The following WAPL variants were observed in gnomAD, a reference collection of about 807,000 sequenced individuals.
WAPL encodes WAPL cohesin release factor, also known as wings apart-like protein homolog.
A neutral mutation model predicts 121.0 loss-of-function variants in WAPL; 5 were observed. The observed-to-expected ratio is 0.04, with a 90% CI of 0.02 to 0.09. The LOEUF (loss-of-function observed/expected upper bound fraction) is 0.09. Among genes scored for constraint, WAPL ranks in the 10% least tolerant of loss-of-function variants. The pLI is 1.00. For missense variants in WAPL, 999 were observed against 1,410.8 expected (o/e 0.71, Z 4.68); for synonymous variants, 480 against 481.5 (o/e 1.00, Z 0.04).
chr10:86,514,344 T>C (rs371509437), intron 2 of WAPL, among the ~76,000 whole-genome samples: 1 of 152,142 alleles, frequency 6.6e-6, no homozygotes, highest in East Asian at 1.9e-4. Flanking sequence ...AAGTCTACCA[T>C]GAAAATTAAA....
At chr10:86,501,439 A>G (rs1332525218) in intron 2 of WAPL, among the ~76,000 whole-genome samples, 1 of 152,226 alleles carries the variant, frequency 6.6e-6, no homozygotes, top group East Asian at 1.9e-4. Flanking sequence ...GAACATTTTT[A>G]CAACCTTTCC....
At chr10:86,469,154 G>A (rs144574552) in intron 8 of WAPL, among the ~76,000 whole-genome samples, 6 of 149,710 alleles carry the variant, frequency 4.0e-5, no homozygotes, top group African/African-American at 1.5e-4. Context: ...TGGCGTAGTG[G>A]CAGGAGCCTG....
rs1247966122 is a variant in WAPL at position 86,447,468 on chromosome 10, AAAAG to A, written c.3115-1023_3115-1020del. On this transcript the variant is annotated intron_variant, in intron 15 of 18. Transcript: ENST00000298767. ...ACACAGCAAGGGCTTTGGAAAAATA[AAAAG>A]AATGAACCACTACTGTTTCTGGACA... Among the ~76,000 whole-genome samples the A allele has an allele frequency of 2.0e-5, 3 of 152,342 alleles. No individual in the cohort carries two copies. The East Asian group carries it at 5.8e-4, about 29-fold the overall frequency.
chr10:86,449,797 A>G (rs1840930608), intron 15 of WAPL, among the ~76,000 whole-genome samples: 1 of 152,232 alleles, frequency 6.6e-6, no homozygotes, highest in Non-Finnish European at 1.5e-5. Flanking sequence ...AGAAAAAAAT[A>G]AAACAAGAGA....
intron 12 of WAPL, 21 bp from the exon 13 acceptor site, chr10:86,453,852 A>AGACTTT (rs752063836): frequency 6.7e-7 from 1 of 1,501,736 alleles, no homozygotes; most frequent in East Asian, 2.5e-5. Flanking sequence ...AATAAAATAT[A>AGACTTT]GACTATTATA....
Position 86,517,651 on chromosome 10 carries a change from A to G in WAPL, c.419T>C (p.Leu140Ser), listed in dbSNP as rs558814947. The part of the protein sequence containing the change: ...SDKCFPLEDT[L>S]LGKEKSTNRI... ...GTTTGTGCTCTTTTCTTTCCCAAGT[A>G]AAGTGTCCTCCAAAGGGAAGCATTT... Residue 140 changes from leucine to serine, a missense_variant, in exon 2 of 19, where the codon TTA (leucine) becomes TCA (serine). Leu to Ser is a moderately radical substitution (Grantham distance 145). Coordinates refer to ENST00000298767, the MANE Select transcript of WAPL (RefSeq NM_015045.5). 1.2e-5 allele frequency: 20 copies of G among 1,614,120 alleles called. No individual in the cohort carries two copies. The African/African-American group carries it at 1.3e-4, about 11-fold the overall frequency.
chr10:86,453,057 A>G (rs1258175757), intron 14 of WAPL, among the ~76,000 whole-genome samples, 163 bp downstream of exon 14: 5 of 103,804 alleles, frequency 4.8e-5, no homozygotes, highest in Admixed American at 2.3e-4. Context: ...AAAAAAAAAA[A>G]AAAAAAAAAA....
chr10:86,472,016 A>G lies in WAPL; in HGVS notation c.2030+192T>C, dbSNP rs765423569. Among the ~76,000 whole-genome samples, 2 of 151,760 alleles carry G rather than the reference A, an allele frequency of 1.3e-5. No individual in the cohort carries two copies. The highest frequency in any genetic ancestry group is 2.9e-5 in the Non-Finnish European group (2 of 67,988). On this transcript the variant is annotated intron_variant, in intron 7 of 18. Transcript: ENST00000298767. The surrounding 1 kb of genome is among the most constrained non-coding windows in gnomAD (Gnocchi z 4.2). ...ATGCTATATTAAAAAGGCTCTCATC[A>G]CCCAGCTTTCCCTCTTATCATGCAG...
At chr10:86,501,275 T>C (rs1457291466) in intron 2 of WAPL, among the ~76,000 whole-genome samples, 3 of 152,208 alleles carry the variant, frequency 2.0e-5, no homozygotes, top group African/African-American at 7.2e-5. Flanking sequence ...AAATGCCATA[T>C]AATCTCAAGG....
chr10:86,447,094 A>AC (rs1849641749), intron 15 of WAPL, among the ~76,000 whole-genome samples: 1 of 152,222 alleles, frequency 6.6e-6, no homozygotes. Context: ...AATTACACTC[A>AC]TACTACTACT....
intron 8 of WAPL, among the ~76,000 whole-genome samples, chr10:86,470,640 T>C (rs1336074742): frequency 6.6e-6 from 1 of 152,208 alleles, no homozygotes; most frequent in Non-Finnish European, 1.5e-5. Context: ...CCAGTTTTTT[T>C]CCATTCATTA....
intron 15 of WAPL, among the ~76,000 whole-genome samples, chr10:86,451,709 T>G (rs918645366): frequency 3.9e-5 from 6 of 152,152 alleles, no homozygotes; most frequent in African/African-American, 1.4e-4. Context: ...ACATTTTTAA[T>G]TGGTTACAAA....
At chr10:86,439,431 C>A (rs550143275) in intron 17 of WAPL, among the ~76,000 whole-genome samples, 7 of 152,254 alleles carry the variant, frequency 4.6e-5, no homozygotes, top group Admixed American at 4.6e-4. Flanking sequence ...TGATTAGCTC[C>A]TATATTTTGG....
chr10:86,449,152 G>C (rs988161372), intron 15 of WAPL, among the ~76,000 whole-genome samples: 1 of 152,192 alleles, frequency 6.6e-6, no homozygotes, highest in African/African-American at 2.4e-5. Flanking sequence ...TCAGTAATCA[G>C]AACTACCTGT....
At chr10:86,498,750 T>A (rs1299493371) in intron 3 of WAPL, among the ~76,000 whole-genome samples, 3 of 152,224 alleles carry the variant, frequency 2.0e-5, no homozygotes, top group African/African-American at 4.8e-5. Flanking sequence ...AGGTAATGAC[T>A]TAATTATGGC....
chr10:86,466,556 C>G lies in WAPL; in HGVS notation c.2370+723G>C, dbSNP rs527958027. On this transcript the variant is annotated intron_variant, in intron 9 of 18. Transcript: ENST00000298767. ...CCGCATTCCAGCCTGGGCAACAGAG[C>G]AAGACGCTATCTCAAAAAACAGTAA... 2.6e-5 allele frequency among the ~76,000 whole-genome samples: 4 copies of G among 152,098 alleles called. No individual in the cohort carries two copies. In the South Asian group the frequency reaches 8.3e-4, roughly 32 times the overall value.
rs111300852 is a variant in WAPL, at chr10:86,491,180, C to T, written c.1644+6021G>A. Among the ~76,000 whole-genome samples, 201 of 141,248 alleles carry T rather than the reference C, an allele frequency of 1.4e-3. 1 individual carries two copies. Among genetic ancestry groups the T allele is most frequent in the African/African-American group, 5.1e-3 (191 of 37,362 alleles). The allele number at this position is 141,248 out of a possible 152,430, so 92.7% of individuals were successfully genotyped here. A position where few individuals can be genotyped will look rare whatever the true frequency, so the allele number is the denominator to read the frequency against. On this transcript the variant is annotated intron_variant, in intron 4 of 18. Transcript: ENST00000298767. ...TTTAAGACGGAGTCTCGCTCTGTTG[C>T]CCAGGCTGGAGTGCAGTGGCATGAT...
chr10:86,461,212 G>A lies in WAPL; in HGVS notation c.2446C>T (p.Arg816Trp). Residue 816 changes from arginine to tryptophan, a missense_variant, in exon 10 of 19, where the codon CGG becomes TGG. By Grantham distance (101) the Arg-to-Trp change is moderately radical. Around this residue, in one of 7 missense-constraint regions of WAPL, gnomAD observed 118 missense variants for 318.3 expected, o/e 0.37. Transcript: ENST00000298767. ...RAGDWFKEEL[R>W]LLGGLDHIVD... ...ATATGATCCAGACCACCCAAAAGCC[G>A]GAGTTCTTCTTTAAACCAGTCTCCT... 6.2e-7 allele frequency: 1 copy of A among 1,613,602 alleles called. No homozygotes were observed. Among genetic ancestry groups the A allele is most frequent in the Non-Finnish European group, 8.5e-7 (1 of 1,179,816 alleles).
chr10:86,459,412 AAAG>A (rs1163509638), intron 11 of WAPL, among the ~76,000 whole-genome samples: 1 of 152,258 alleles, frequency 6.6e-6, no homozygotes, highest in Non-Finnish European at 1.5e-5. Context: ...ACATTTTTAC[AAAG>A]AAGTATCTGT....
Sources: gnomAD v4.1 joint callset for allele counts (sites outside exome capture counted in the v4.1 genomes callset) on GRCh38, gnomAD v4.1.1 for gene constraint, gnomAD v4.1.1 regional missense constraint, Gnocchi (gnomAD v3.1) non-coding constraint, MANE v1.5 for transcripts, NCBI Gene and HGNC (gene_info 2026-07-23, HGNC 2026-07-21) for gene names.